The following DMD variants were observed in gnomAD, a reference collection of about 807,000 sequenced individuals.
DMD encodes the protein dystrophin.
A neutral mutation model predicts 330.1 loss-of-function variants in DMD; 63 were observed. The observed-to-expected ratio is 0.19, with a 90% CI of 0.16 to 0.24. The LOEUF (loss-of-function observed/expected upper bound fraction) is 0.24. Among genes scored for constraint, DMD ranks in the 10% least tolerant of loss-of-function variants. The probability of loss-of-function intolerance (pLI) is 1.00; values close to 1 mark genes in which losing one functional copy is unlikely to be tolerated. For missense variants in DMD, 3,344 were observed against 2,684.1 expected, an observed-to-expected ratio of 1.25 and a Z score of -5.43; for synonymous variants, 1,223 against 959.8, an observed-to-expected ratio of 1.27 and a Z score of -5.07.
intron 1 of DMD, among the ~76,000 whole-genome samples, chrX:33,295,324 T>C (rs1316904788): frequency 9.0e-6 from 1 of 110,581 alleles, no homozygotes; most frequent in Non-Finnish European, 1.9e-5. Context: ...CTCAGCAACA[T>C]CATGTTGATA....
At chrX:31,740,007 T>TA (rs961974814) in intron 51 of DMD, among the ~76,000 whole-genome samples, 2 of 110,208 alleles carry the variant, frequency 1.8e-5, no homozygotes, top group Non-Finnish European at 3.8e-5. Context: ...ACACGGAACT[T>TA]AAAGGATTGA....
At chrX:31,531,014 T>G (rs1453404316) in intron 55 of DMD, among the ~76,000 whole-genome samples, 3 of 95,408 alleles carry the variant, frequency 3.1e-5, no homozygotes, top group Non-Finnish European at 6.0e-5. Flanking sequence ...CTCATCATTT[T>G]TTATGGCTGC....
chrX:32,186,126 T>A (rs2096945463), intron 44 of DMD, among the ~76,000 whole-genome samples: 1 of 111,140 alleles, frequency 9.0e-6, no homozygotes, highest in African/African-American at 3.3e-5. Context: ...CTGAAGTGAA[T>A]AATTTTTTAA....
intron 7 of DMD, among the ~76,000 whole-genome samples, chrX:32,808,536 T>G (rs1474749759): frequency 9.0e-6 from 1 of 111,726 alleles, no homozygotes; most frequent in Non-Finnish European, 1.9e-5. Context: ...TACTAGATTC[T>G]GGTTGATAAT....
intron 7 of DMD, among the ~76,000 whole-genome samples, chrX:32,777,295 A>C (rs1223597264): frequency 2.4e-5 from 1 of 40,974 alleles, no homozygotes; most frequent in Admixed American, 3.9e-4. Flanking sequence ...GAATCCTACC[A>C]AGCTAGGAAA....
Position 31,201,158 on chromosome X carries a change from TACACACACAC to T in DMD, c.9807+2793_9807+2802del, listed in dbSNP as rs57235865. ...CTAGGCAACATGGCGAGAGACCCTG[TACACACACAC>T]ACACACACACACACACACACACACA... On this transcript the variant is annotated intron_variant, in intron 67 of 78. Transcript: ENST00000357033. 5.3e-3 allele frequency among the ~76,000 whole-genome samples: 519 copies of T among 98,220 alleles called. 3 individuals are homozygous for T. The highest frequency in any genetic ancestry group is 0.016 in the Middle Eastern group (3 of 191). 85.3% of individuals were successfully genotyped at this position (98,220 alleles called of 115,157 possible).
intron 7 of DMD, among the ~76,000 whole-genome samples, chrX:32,796,807 C>A (rs769824616): frequency 9.0e-6 from 1 of 111,704 alleles, no homozygotes; most frequent in South Asian, 3.7e-4. Flanking sequence ...AATAAAATGA[C>A]AAGACAACTA....
At chrX:31,995,125 TTC>T (rs768081918) in intron 44 of DMD, among the ~76,000 whole-genome samples, 2 of 111,884 alleles carry the variant, frequency 1.8e-5, no homozygotes, top group Non-Finnish European at 3.8e-5. Context: ...AAGTTCCAAA[TTC>T]TCTCTGTGTG....
At chrX:32,310,686 C>T (rs1379784756) in intron 41 of DMD, among the ~76,000 whole-genome samples, 1 of 110,295 alleles carries the variant, frequency 9.1e-6, no homozygotes, top group Non-Finnish European at 1.9e-5. Flanking sequence ...GGACTCATAT[C>T]TGTTTTATTC....
intron 47 of DMD, among the ~76,000 whole-genome samples, chrX:31,918,496 C>G (rs1211248433): frequency 9.0e-6 from 1 of 111,683 alleles, no homozygotes; most frequent in Non-Finnish European, 1.9e-5. Context: ...ATTAACCACA[C>G]GCGAACTGAG....
intron 38 of DMD, among the ~76,000 whole-genome samples, 164 bp downstream of exon 38, chrX:32,348,242 C>T (rs938803478): frequency 3.6e-5 from 4 of 111,367 alleles, no homozygotes; most frequent in African/African-American, 1.3e-4. Flanking sequence ...AGTAATTCAG[C>T]ATTTGTAATA....
chrX:31,511,959 A>T (rs758089153), intron 55 of DMD, among the ~76,000 whole-genome samples: 1 of 109,124 alleles, frequency 9.2e-6, no homozygotes, highest in Admixed American at 9.8e-5. Flanking sequence ...AACAGTGTAG[A>T]AGTGTTCCTA....
intron 30 of DMD, among the ~76,000 whole-genome samples, chrX:32,394,863 G>C (rs1269505725): frequency 1.0e-5 from 1 of 95,884 alleles, no homozygotes; most frequent in Non-Finnish European, 2.0e-5. Context: ...TATACACATA[G>C]TCCTTTAACC....
intron 1 of DMD, among the ~76,000 whole-genome samples, chrX:33,266,647 T>C (rs2053046103): frequency 9.0e-6 from 1 of 111,554 alleles, no homozygotes; most frequent in Admixed American, 9.6e-5. Flanking sequence ...TAATAAAAAG[T>C]ATGGGTGGCT....
chrX:33,332,268 T>C lies in DMD; in HGVS notation c.7+6991A>G, dbSNP rs138402765. On this transcript the variant is annotated intron_variant, in intron 1 of 17. Transcript: ENST00000288447. ...TTTAATTCCTCTAAAGCTTTAAGCA[T>C]GCTAACATTTGTTAACTTGATCTTA... Among the ~76,000 whole-genome samples, 631 of 111,976 alleles carry C rather than the reference T, an allele frequency of 5.6e-3. 5 individuals are homozygous for C. The highest frequency in any genetic ancestry group is 0.015 in the Middle Eastern group (3 of 206).
intron 1 of DMD, among the ~76,000 whole-genome samples, chrX:33,279,479 A>G (rs1032680270): frequency 4.5e-5 from 5 of 110,156 alleles, no homozygotes; most frequent in African/African-American, 1.7e-4. Flanking sequence ...TTACATATCA[A>G]GGGACTTTTT....
At chrX:32,668,583 T>A (rs2147171895) in intron 9 of DMD, among the ~76,000 whole-genome samples, 1 of 111,773 alleles carries the variant, frequency 8.9e-6, no homozygotes, top group Admixed American at 9.5e-5. Context: ...GATCAGCAGG[T>A]TATCATATGA....
rs757013574 is a variant in DMD at position 31,715,066 on chromosome X, T to C, written c.7660+14565A>G. Among the ~76,000 whole-genome samples, 22 of 111,724 alleles carry C rather than the reference T, an allele frequency of 2.0e-4. 1 individual carries two copies. The South Asian group carries it at 7.8e-3, about 40-fold the overall frequency. On this transcript the variant is annotated intron_variant, in intron 52 of 78. Transcript: ENST00000357033. ...TACTTAGTCATACACTTTGTTTATA[T>C]AATGCAAATTCTCATTCCCATTTTG...
At chrX:32,585,296 C>T (rs1335854888) in intron 13 of DMD, among the ~76,000 whole-genome samples, 1 of 112,047 alleles carries the variant, frequency 8.9e-6, no homozygotes, top group Non-Finnish European at 1.9e-5. Flanking sequence ...TAATTATATA[C>T]AACAGTGTAA....
Sources: gnomAD v4.1 joint callset for allele counts (sites outside exome capture counted in the v4.1 genomes callset) on GRCh38, gnomAD v4.1.1 for gene constraint, MANE v1.5 for transcripts, NCBI Gene and HGNC (gene_info 2026-07-23, HGNC 2026-07-21) for gene names.